Variants in NSL1 observed in about 807,000 individuals in gnomAD.
NSL1 encodes NSL1 component of MIS12 kinetochore complex, also known as kinetochore-associated protein NSL1 homolog.
Under a neutral mutation model 25.4 loss-of-function variants are expected in NSL1, and 11 were observed. That is an observed-to-expected ratio of 0.43 (90% CI 0.27 to 0.72). The LOEUF (loss-of-function observed/expected upper bound fraction) is 0.72, where lower values mean the gene tolerates loss of function less well. Among genes scored for constraint, NSL1 ranks in the 30% least tolerant of loss-of-function variants. The probability of loss-of-function intolerance (pLI) is 0.19; values close to 1 mark genes in which losing one functional copy is unlikely to be tolerated. For synonymous variants in NSL1, 118 were observed against 120.6 expected (o/e 0.98, Z 0.14); for missense variants, 330 against 342.7 (o/e 0.96, Z 0.29).
intron 2 of NSL1, among the ~76,000 whole-genome samples, chr1:212,784,991 G>T (rs1660884423): frequency 6.6e-6 from 1 of 152,216 alleles, no homozygotes; most frequent in Non-Finnish European, 1.5e-5. Context: ...GTATTTGCAA[G>T]ATCCTAGTCT....
rs558779502 is a variant in NSL1 at position 212,766,568 on chromosome 1, C to T, written c.499+15804G>A. Among the ~76,000 whole-genome samples, 3 of 151,314 alleles carry T rather than the reference C, an allele frequency of 2.0e-5. No homozygotes were observed. The South Asian group carries it at 6.3e-4, about 32-fold the overall frequency. ...GCTGAGGCAGGAGAATGGTGTGAAC[C>T]TGGGAGGTGGAGCTTGCAGTGAGCC... On this transcript the variant is annotated intron_variant, in intron 4 of 5. Transcript: ENST00000366977.
chr1:212,776,222 G>T (rs1660360119), intron 4 of NSL1, among the ~76,000 whole-genome samples: 1 of 152,086 alleles, frequency 6.6e-6, no homozygotes, highest in South Asian at 2.1e-4. Context: ...AATTAGCTGG[G>T]TGTGGTGGCA....
Position 212,760,114 on chromosome 1 carries a change from T to A in NSL1, c.500-20513A>T, listed in dbSNP as rs920762855. On this transcript the variant is annotated intron_variant, in intron 4 of 5. Coordinates refer to ENST00000366977, the MANE Select transcript of NSL1 (RefSeq NM_015471.4). The surrounding 1 kb of genome is among the most constrained non-coding windows in gnomAD (Gnocchi z 4.3). The stretch of plus-strand genomic sequence containing the variant: ...AATCATACTGTCCAGGGCCTGGGGA[T>A]TGACCTGCCCCGCCAGCTGCTTCTG... Among the ~76,000 whole-genome samples, 1 of 149,738 alleles carries A rather than the reference T, an allele frequency of 6.7e-6. No individual in the cohort carries two copies. Among genetic ancestry groups the A allele is most frequent in the East Asian group, 2.0e-4 (1 of 4,998 alleles).
At position 212,730,362 on chromosome 1, in the gene NSL1, A is replaced by C. The variant is rs1451539109; in HGVS notation, c.*8046T>G. On this transcript the variant is annotated 3_prime_UTR_variant, in exon 6 of 6. Transcript: ENST00000366977. ...GGCATCAGGGGCAGAAATGGACAAA[A>C]GAACTCCAATGACATCATTGTAGAA... 4.1e-6 allele frequency: 4 copies of C among 985,160 alleles called. No homozygotes were observed. In the Admixed American group the frequency reaches 1.8e-4, roughly 45 times the overall value. The allele number at this position is 985,160 out of a possible 1,614,324, so 61.0% of individuals were successfully genotyped here. A position where few individuals can be genotyped will look rare whatever the true frequency, so the allele number is the denominator to read the frequency against.
At position 212,727,091 on chromosome 1, in the gene NSL1, G is replaced by C; in HGVS notation, c.*11317C>G. 1 of 1,433,480 alleles carries C rather than the reference G, an allele frequency of 7.0e-7. No individual in the cohort carries two copies. The highest frequency in any genetic ancestry group is 9.3e-7 in the Non-Finnish European group (1 of 1,077,566). The allele number at this position is 1,433,480 out of a possible 1,614,324, so 88.8% of individuals were successfully genotyped here. ...CACCCAGCTTCATCCTCTTCATCTT[G>C]CCAGTTCACCAGAGGCAGAAGGGAT... On this transcript the variant is annotated 3_prime_UTR_variant, in exon 6 of 6. Coordinates refer to ENST00000366977, the MANE Select transcript of NSL1 (RefSeq NM_015471.4).
At position 212,727,890 on chromosome 1, in the gene NSL1, T is replaced by G; in HGVS notation, c.*10518A>C. The G allele has an allele frequency of 1.0e-6, 1 of 985,400 alleles. No individual in the cohort carries two copies. The highest frequency in any genetic ancestry group is 1.2e-6 in the Non-Finnish European group (1 of 829,900). The allele number at this position is 985,400 out of a possible 1,614,324, so 61.0% of individuals were successfully genotyped here. ...TTTGTTGATACTCTCTGTTGCTATG[T>G]GTCATTGAAAAAAAATGAGAAGAAC... On this transcript the variant is annotated 3_prime_UTR_variant, in exon 6 of 6. Transcript: ENST00000366977.
Position 212,731,927 on chromosome 1 carries a change from C to T in NSL1, c.*6481G>A, listed in dbSNP as rs1658031347. ...CCCAGCAGCTATAAGGGCCTCCACA[C>T]CCCACCTTACTGCTTTAACCAATGT... is the stretch of plus-strand genomic sequence containing the variant. On this transcript the variant is annotated 3_prime_UTR_variant, in exon 6 of 6. Transcript: ENST00000366977. 1.0e-6 allele frequency: 1 copy of T among 985,444 alleles called. No individual in the cohort carries two copies. Among genetic ancestry groups the T allele is most frequent in the Middle Eastern group, 5.2e-4 (1 of 1,914 alleles). The allele number at this position is 985,444 out of a possible 1,614,324, so 61.0% of individuals were successfully genotyped here.
At position 212,731,740 on chromosome 1, in the gene NSL1, G is replaced by A. The variant is rs2102420198; in HGVS notation, c.*6668C>T. ...ATCCACTGACTTCCAGTTGTGGTGGGTGAAGATTTCACTCCCCACTGCCAT... is the reference window on the plus strand; with the variant it reads ...ATCCACTGACTTCCAGTTGTGGTGGATGAAGATTTCACTCCCCACTGCCAT... On this transcript the variant is annotated 3_prime_UTR_variant, in exon 6 of 6. Coordinates refer to ENST00000366977, the MANE Select transcript of NSL1 (RefSeq NM_015471.4). 9 of 985,370 alleles carry A rather than the reference G, an allele frequency of 9.1e-6. No homozygotes were observed. Among genetic ancestry groups the A allele is most frequent in the Non-Finnish European group, 9.6e-6 (8 of 829,900 alleles). The allele number at this position is 985,370 out of a possible 1,614,324, so 61.0% of individuals were successfully genotyped here. A position where few individuals can be genotyped will look rare whatever the true frequency, so the allele number is the denominator to read the frequency against.
chr1:212,780,945 G>A (rs960882116), intron 4 of NSL1, among the ~76,000 whole-genome samples: 1 of 151,954 alleles, frequency 6.6e-6, no homozygotes, highest in Non-Finnish European at 1.5e-5. Context: ...AGCATCAGGC[G>A]GCAAATCCAG....
chr1:212,784,798 T>A (rs190222038), intron 2 of NSL1, among the ~76,000 whole-genome samples: 118 of 152,306 alleles, frequency 7.7e-4, no homozygotes, highest in Non-Finnish European at 6.5e-4. Flanking sequence ...GGCAACCTGA[T>A]AAGTGCAATA....
intron 4 of NSL1, among the ~76,000 whole-genome samples, chr1:212,774,210 T>C (rs998587317): frequency 1.3e-5 from 2 of 152,162 alleles, no homozygotes; most frequent in Admixed American, 6.5e-5. Context: ...AAAAATAATA[T>C]GTCATATATT....
At chr1:212,779,159 C>T (rs1460571540) in intron 4 of NSL1, among the ~76,000 whole-genome samples, 7 of 149,990 alleles carry the variant, frequency 4.7e-5, no homozygotes, top group Non-Finnish European at 7.4e-5. Context: ...GGAGCCCCTC[C>T]GCCCGGCAAC....
At chr1:212,763,076 G>A (rs561995500) in intron 4 of NSL1, among the ~76,000 whole-genome samples, 17 of 152,284 alleles carry the variant, frequency 1.1e-4, no homozygotes, top group South Asian at 4.1e-4. Context: ...TCTGAGTTCC[G>A]TGCGCAGACT....
chr1:212,774,765 T>C (rs1660278544), intron 4 of NSL1, among the ~76,000 whole-genome samples: 1 of 152,186 alleles, frequency 6.6e-6, no homozygotes, highest in African/African-American at 2.4e-5. Context: ...GAAAACAGTC[T>C]GGCAGTTCCT....
intron 4 of NSL1, among the ~76,000 whole-genome samples, chr1:212,740,017 G>C (rs77808431): frequency 9.3e-4 from 141 of 152,224 alleles, no homozygotes; most frequent in African/African-American, 3.2e-3. Flanking sequence ...TGCCTAGATG[G>C]AATTAATCTG....
At chr1:212,784,152 G>A (rs1660843359) in intron 3 of NSL1, 2 of 292,770 alleles carry the variant, frequency 6.8e-6, no homozygotes, top group Non-Finnish European at 1.2e-5. Flanking sequence ...TTTCATTTTT[G>A]AACCAGTGTG....
chr1:212,745,617 C>A (rs768355844), intron 4 of NSL1, among the ~76,000 whole-genome samples: 1 of 152,078 alleles, frequency 6.6e-6, no homozygotes, highest in Non-Finnish European at 1.5e-5. Context: ...TCACTATCTG[C>A]CAAAAATATC....
At chr1:212,772,397 C>A (rs150236282) in intron 4 of NSL1, among the ~76,000 whole-genome samples, 148 of 152,266 alleles carry the variant, frequency 9.7e-4, no homozygotes, top group African/African-American at 3.5e-3. Context: ...CAGTGGCTCA[C>A]ACCTGTAACC....
At chr1:212,787,193 C>A (rs887726478) in intron 2 of NSL1, among the ~76,000 whole-genome samples, 1 of 151,854 alleles carries the variant, frequency 6.6e-6, no homozygotes, top group Admixed American at 6.6e-5. Flanking sequence ...TTTTAAGGAA[C>A]CTTCTACAAA....
Sources: allele counts gnomAD v4.1 joint callset (sites outside exome capture counted in the v4.1 genomes callset), GRCh38; gene constraint gnomAD v4.1.1; non-coding constraint Gnocchi (gnomAD v3.1); transcripts MANE v1.5; gene names NCBI Gene and HGNC (gene_info 2026-07-23, HGNC 2026-07-21).